Variants in PURG observed in about 807,000 individuals in gnomAD.
PURG encodes purine rich element binding protein G.
PURG carries 3 observed loss-of-function variants against 24.3 expected under a neutral mutation model. The observed-to-expected ratio is 0.12, with a 90% CI of 0.06 to 0.32. The LOEUF (loss-of-function observed/expected upper bound fraction) is 0.32, where lower values mean the gene tolerates loss of function less well. PURG is among the 10% of genes least tolerant of loss of function. The pLI is 1.00. For synonymous variants in PURG, 180 were observed against 173.1 expected, an observed-to-expected ratio of 1.04 and a Z score of -0.31; for missense variants, 371 against 439.1, an observed-to-expected ratio of 0.84 and a Z score of 1.39.
chr8:31,019,480 C>A (rs990967871), intron 1 of PURG, among the ~76,000 whole-genome samples: 24 of 150,518 alleles, frequency 1.6e-4, no homozygotes, highest in Admixed American at 6.6e-4. Flanking sequence ...ATTACAGGAG[C>A]CTGCCAACAC....
intron 1 of PURG, among the ~76,000 whole-genome samples, chr8:31,022,903 A>G (rs543056074): frequency 6.6e-6 from 1 of 152,346 alleles, no homozygotes; most frequent in African/African-American, 2.4e-5. Flanking sequence ...ATATATCTTT[A>G]TCCTTACTCC....
chr8:31,002,610 A>G (rs570383031), intron 1 of PURG, among the ~76,000 whole-genome samples: 1 of 152,114 alleles, frequency 6.6e-6, no homozygotes, highest in African/African-American at 2.4e-5. Flanking sequence ...CAGCCTCCCA[A>G]GTAGCTGGGA....
At chr8:31,018,902 C>T (rs576197771) in intron 1 of PURG, among the ~76,000 whole-genome samples, 19 of 150,706 alleles carry the variant, frequency 1.3e-4, no homozygotes, top group Admixed American at 2.0e-4. Context: ...CTGAGGCGGG[C>T]GGATCACGAG....
At chr8:31,008,554 G>A (rs1810701630) in intron 1 of PURG, among the ~76,000 whole-genome samples, 1 of 152,168 alleles carries the variant, frequency 6.6e-6, no homozygotes, top group African/African-American at 2.4e-5. Flanking sequence ...GGCCCACCAA[G>A]GCCTCCCAAA....
chr8:31,019,611 G>C (rs2129821713), intron 1 of PURG, among the ~76,000 whole-genome samples: 1 of 151,290 alleles, frequency 6.6e-6, no homozygotes, highest in East Asian at 2.0e-4. Context: ...GGGATTACAG[G>C]TGTGAGCTAC....
chr8:31,003,686 T>C (rs1810585778), intron 1 of PURG, among the ~76,000 whole-genome samples: 1 of 151,812 alleles, frequency 6.6e-6, no homozygotes, highest in Non-Finnish European at 1.5e-5. Flanking sequence ...CGCTTGAACC[T>C]GGGAAGTGGA....
At position 31,031,495 on chromosome 8, in the gene PURG, A is replaced by C. The variant is rs1811201484; in HGVS notation, c.*244T>G. 1 of 507,544 alleles carries C rather than the reference A, an allele frequency of 2.0e-6. No homozygotes were observed. Among genetic ancestry groups the C allele is most frequent in the East Asian group, 3.1e-5 (1 of 31,944 alleles). 31.4% of individuals were successfully genotyped at this position (507,544 alleles called of 1,614,324 possible). A position where few individuals can be genotyped will look rare whatever the true frequency, so the allele number is the denominator to read the frequency against. On this transcript the variant is annotated 3_prime_UTR_variant, in exon 2 of 2. Coordinates refer to ENST00000523392, the MANE Select transcript of PURG (RefSeq NM_001323311.2). Reference sequence around the variant, plus strand: ...CATTTTGTGCTGATTTGCATACTTCAATAGTCTGGAGCAGTTGAAGCAGCT... The same window carrying C: ...CATTTTGTGCTGATTTGCATACTTCCATAGTCTGGAGCAGTTGAAGCAGCT...
downstream of PURG, among the ~76,000 whole-genome samples, chr8:31,029,652 G>A (rs555720362): frequency 6.6e-6 from 1 of 151,760 alleles, no homozygotes; most frequent in South Asian, 2.1e-4. Context: ...TAGCAATAGC[G>A]ATAGGAACAA....
chr8:31,021,084 GAA>G (rs955424403), intron 1 of PURG, among the ~76,000 whole-genome samples: 1 of 152,182 alleles, frequency 6.6e-6, no homozygotes, highest in African/African-American at 2.4e-5. Flanking sequence ...GGAATTAAGA[GAA>G]AGAGGAGGAA....
downstream of PURG, among the ~76,000 whole-genome samples, chr8:31,027,905 T>C (rs1811119844): frequency 6.6e-6 from 1 of 151,774 alleles, no homozygotes; most frequent in South Asian, 2.1e-4. Context: ...TTTGTGTTAG[T>C]GACTGTTCAT....
downstream of PURG, among the ~76,000 whole-genome samples, chr8:31,027,565 T>G (rs1283746263): frequency 6.6e-6 from 1 of 151,690 alleles, no homozygotes; most frequent in Non-Finnish European, 1.5e-5. Context: ...ATATTCCAGT[T>G]TCATCCTCTT....
intron 1 of PURG, among the ~76,000 whole-genome samples, chr8:31,022,388 A>G (rs1811013773): frequency 6.6e-6 from 1 of 152,236 alleles, no homozygotes; most frequent in South Asian, 2.1e-4. Context: ...CCCAAGTCAA[A>G]TCTGTTTTCT....
downstream of PURG, among the ~76,000 whole-genome samples, chr8:31,027,718 C>T (rs1035408567): frequency 1.9e-4 from 29 of 151,686 alleles, no homozygotes; most frequent in Admixed American, 3.9e-4. Context: ...AAATATAGCA[C>T]ACTCTTGATG....
At chr8:31,027,007 T>A (rs1314354480), downstream of PURG, among the ~76,000 whole-genome samples, 1 of 151,724 alleles carries the variant, frequency 6.6e-6, no homozygotes, top group East Asian at 1.9e-4. Context: ...GATATTAAGT[T>A]GGGAAAAACA....
intron 1 of PURG, among the ~76,000 whole-genome samples, chr8:31,023,021 A>C (rs1175233940): frequency 6.6e-6 from 1 of 152,232 alleles, no homozygotes; most frequent in African/African-American, 2.4e-5. Flanking sequence ...AGCTGAGGAA[A>C]GTTTCTACAA....
At chr8:31,028,959 G>A (rs1811139491), downstream of PURG, among the ~76,000 whole-genome samples, 1 of 151,800 alleles carries the variant, frequency 6.6e-6, no homozygotes, top group African/African-American at 2.4e-5. Context: ...TGCCTTAAGA[G>A]TTTAATGTCT....
At chr8:31,027,341 T>C (rs184254996), downstream of PURG, among the ~76,000 whole-genome samples, 2 of 150,998 alleles carry the variant, frequency 1.3e-5, no homozygotes, top group East Asian at 3.9e-4. Context: ...TTGAATAGGA[T>C]TTCATAAATA....
chr8:31,028,700 T>C (rs1016983133), downstream of PURG, among the ~76,000 whole-genome samples: 1 of 151,854 alleles, frequency 6.6e-6, no homozygotes, highest in Non-Finnish European at 1.5e-5. Flanking sequence ...ATCTTTATAA[T>C]ACATTGCATC....
In PURG at chr8:31,017,470, G is replaced by A. The variant is rs1249345351; in HGVS notation, c.864+14449C>T. 3.3e-5 allele frequency among the ~76,000 whole-genome samples: 5 copies of A among 151,732 alleles called. No individual in the cohort carries two copies. The East Asian group carries it at 9.7e-4, about 29-fold the overall frequency. On this transcript the variant is annotated intron_variant, in intron 1 of 1. Transcript: ENST00000339382. ...AAAGGGTATGTAATATTTATCTGGA[G>A]GAATAAAATTTGCTTAGCCAAATAT...
Sources: allele counts gnomAD v4.1 joint callset (sites outside exome capture counted in the v4.1 genomes callset), GRCh38; gene constraint gnomAD v4.1.1; transcripts MANE v1.5; gene names NCBI Gene and HGNC (gene_info 2026-07-23, HGNC 2026-07-21).